COPS7B: variants seen among roughly 807,000 people sequenced by gnomAD.
COPS7B encodes COP9 signalosome subunit 7B.
A neutral mutation model predicts 33.4 loss-of-function variants in COPS7B; 9 were observed. That is an observed-to-expected ratio of 0.27 (90% CI 0.16 to 0.47). The LOEUF (loss-of-function observed/expected upper bound fraction) is 0.47, where lower values mean the gene tolerates loss of function less well. Ranked by LOEUF, COPS7B falls within the 20% of genes least tolerant of loss-of-function variation. The pLI is 0.99. For synonymous variants in COPS7B, 119 were observed against 126.3 expected (o/e 0.94, Z 0.39); for missense variants, 242 against 318.2 (o/e 0.76, Z 1.82).
At chr2:231,795,963 T>C in intron 4 of COPS7B, 143 bp from the exon 5 acceptor site, 1 of 643,336 alleles carries the variant, frequency 1.6e-6, no homozygotes. Context: ...TTTATCCACC[T>C]CTTGTTGCCC....
chr2:231,802,064 C>G (rs747112569), intron 6 of COPS7B, among the ~76,000 whole-genome samples: 27 of 152,160 alleles, frequency 1.8e-4, no homozygotes, highest in Non-Finnish European at 3.1e-4. Flanking sequence ...CCTGAGCCAC[C>G]GCGCCCGGCC....
chr2:231,807,568 T>C lies in COPS7B; in HGVS notation c.718T>C (p.Cys240Arg). The change falls in exon 7 of 7, where the codon TGT (cysteine) becomes CGT (arginine). Residue 240 changes from cysteine to arginine, a missense_variant. Coordinates refer to ENST00000350033, the MANE Select transcript of COPS7B (RefSeq NM_022730.4). ...GGAGCAGCAGCTGGCTGAACGGGAG[T>C]GTCCCCCTCACGCTGAGCAGAGGCA... ...EMEQQLAERE[C>R]PPHAEQRQPT... 1.9e-6 allele frequency: 3 copies of C among 1,609,032 alleles called. No homozygotes were observed. The highest frequency in any genetic ancestry group is 1.7e-6 in the Non-Finnish European group (2 of 1,178,108).
chr2:231,794,060 G>A, intron 3 of COPS7B: 1 of 542,918 alleles, frequency 1.8e-6, no homozygotes, highest in Non-Finnish European at 3.3e-6. Context: ...ACTAAACTCT[G>A]TGTTTGTAGA....
chr2:231,803,410 G>A (rs1176769614), intron 6 of COPS7B, among the ~76,000 whole-genome samples: 1 of 152,106 alleles, frequency 6.6e-6, no homozygotes, highest in Non-Finnish European at 1.5e-5. Flanking sequence ...GGGAAGGAAG[G>A]TACCTGATCT....
chr2:231,786,143 G>T (rs1162068466), upstream of COPS7B: 1 of 152,306 alleles, frequency 6.6e-6, no homozygotes, highest in African/African-American at 2.4e-5. Context: ...TAGCCATGGG[G>T]AGCTCCTGAG....
At chr2:231,784,986 T>G (rs2049204684), upstream of COPS7B, among the ~76,000 whole-genome samples, 1 of 152,236 alleles carries the variant, frequency 6.6e-6, no homozygotes, top group African/African-American at 2.4e-5. Flanking sequence ...AATTTTTGTA[T>G]TTTTAGTAGA....
At position 231,793,951 on chromosome 2, in the gene COPS7B, G is replaced by A. The variant is rs183368565; in HGVS notation, c.239-312G>A. 1,500 of 309,704 alleles carry A rather than the reference G, an allele frequency of 4.8e-3. 5 individuals carry two copies. Among genetic ancestry groups the A allele is most frequent in the Middle Eastern group, 0.01 (10 of 964 alleles). The allele number at this position is 309,704 out of a possible 1,614,324, so 19.2% of individuals were successfully genotyped here. On this transcript the variant is annotated intron_variant, in intron 3 of 6. Transcript: ENST00000350033. The stretch of plus-strand genomic sequence containing the variant: ...AGAGCATTGCACACAACAGATGCTC[G>A]ATGAAGATATGTTTAATTTAATTGA...
intron 2 of COPS7B, 74 bp from the exon 3 acceptor site, chr2:231,791,659 C>T: frequency 1.6e-6 from 2 of 1,283,526 alleles, no homozygotes; most frequent in Non-Finnish European, 2.3e-6. Flanking sequence ...CACATGCTCA[C>T]CCGTCCTCTG....
chr2:231,805,661 A>T (rs1360139977), intron 6 of COPS7B, among the ~76,000 whole-genome samples: 1 of 151,292 alleles, frequency 6.6e-6, no homozygotes, highest in African/African-American at 2.4e-5. Context: ...TTTTGTTGAG[A>T]TAAGGTCTTA....
At chr2:231,803,674 TGA>T (rs1201085848) in intron 6 of COPS7B, among the ~76,000 whole-genome samples, 1 of 152,092 alleles carries the variant, frequency 6.6e-6, no homozygotes, top group East Asian at 1.9e-4. Flanking sequence ...TGAGTCACCA[TGA>T]GAGAGGGAGG....
intron 6 of COPS7B, among the ~76,000 whole-genome samples, chr2:231,807,015 G>A (rs2049913463): frequency 6.6e-6 from 1 of 152,186 alleles, no homozygotes; most frequent in South Asian, 2.1e-4. Context: ...TAGTGTCATA[G>A]CATTTTGCCA....
rs1214184890 is a variant in COPS7B, at chr2:231,794,179, T to G, written c.239-84T>G. ...ATAGTGATTCAGTAGTAGATTTGGTTTGGGGAGTTGGTGAGCTTATTCCAT... is the reference window on the plus strand; with the variant it reads ...ATAGTGATTCAGTAGTAGATTTGGTGTGGGGAGTTGGTGAGCTTATTCCAT... On this transcript the variant is annotated intron_variant, in intron 3 of 6. Coordinates refer to ENST00000350033, the MANE Select transcript of COPS7B (RefSeq NM_022730.4). 4.9e-6 allele frequency: 5 copies of G among 1,029,704 alleles called. No homozygotes were observed. The African/African-American group carries it at 6.3e-5, about 13-fold the overall frequency. The allele number at this position is 1,029,704 out of a possible 1,614,324, so 63.8% of individuals were successfully genotyped here.
chr2:231,802,893 CTG>C (rs1244386338), intron 6 of COPS7B, among the ~76,000 whole-genome samples: 6 of 152,258 alleles, frequency 3.9e-5, no homozygotes, highest in Non-Finnish European at 8.8e-5. Flanking sequence ...CAAAGTGTCT[CTG>C]TAATGGATCC....
chr2:231,796,090 A>G lies in COPS7B; in HGVS notation c.328-16A>G. 1.9e-6 allele frequency: 3 copies of G among 1,609,098 alleles called. No individual in the cohort carries two copies. The highest frequency in any genetic ancestry group is 2.2e-5 in the South Asian group (2 of 90,912). Reference sequence around the variant, plus strand: ...GCCAGATGGTTTTTATAATGATCACATGGCCTTATCTACAGTGTATCCCCT... The same window carrying G: ...GCCAGATGGTTTTTATAATGATCACGTGGCCTTATCTACAGTGTATCCCCT... On this transcript the variant is annotated splice_polypyrimidine_tract_variant and intron_variant, in intron 4 of 6. Coordinates refer to ENST00000350033, the MANE Select transcript of COPS7B (RefSeq NM_022730.4).
chr2:231,781,706 T>C (rs571114016), upstream of COPS7B: 413 of 790,896 alleles, frequency 5.2e-4, 1 homozygote, highest in African/African-American at 5.3e-3. Flanking sequence ...CTCTGTAACT[T>C]AGACTCCAGT....
intron 3 of COPS7B, among the ~76,000 whole-genome samples, chr2:231,793,331 C>T (rs754986796): frequency 3.9e-4 from 59 of 152,294 alleles, no homozygotes; most frequent in South Asian, 8.3e-4. Context: ...TAGAAATTCC[C>T]ACCAGGTGAA....
intron 2 of COPS7B, chr2:231,788,986 C>T (rs1309251608): frequency 8.1e-6 from 3 of 369,314 alleles, no homozygotes; most frequent in Non-Finnish European, 1.5e-5. Flanking sequence ...TCAAATTGAT[C>T]CTGATAAATT....
At chr2:231,785,770 C>T (rs1368675620), upstream of COPS7B, among the ~76,000 whole-genome samples, 5 of 152,200 alleles carry the variant, frequency 3.3e-5, no homozygotes, top group African/African-American at 1.2e-4. Context: ...AATTATGTGG[C>T]ATTTCTTAGC....
chr2:231,806,576 A>G (rs2049900844), intron 6 of COPS7B, among the ~76,000 whole-genome samples: 3 of 150,630 alleles, frequency 2.0e-5, no homozygotes, highest in African/African-American at 7.4e-5. Flanking sequence ...AAAAAAGACT[A>G]AAAAAGCTAT....
Sources: gnomAD v4.1 joint callset for allele counts (sites outside exome capture counted in the v4.1 genomes callset) on GRCh38, gnomAD v4.1.1 for gene constraint, MANE v1.5 for transcripts, NCBI Gene and HGNC (gene_info 2026-07-23, HGNC 2026-07-21) for gene names.